Variants in CIAO2A observed in about 807,000 individuals in gnomAD.
CIAO2A encodes MIP18 family protein FAM96A.
Under a neutral mutation model 22.4 loss-of-function variants are expected in CIAO2A, and 17 were observed. The ratio of observed to expected loss-of-function variants is 0.76; its 90% confidence interval spans 0.52 to 1.14. The LOEUF (loss-of-function observed/expected upper bound fraction) is 1.14. Ranked by LOEUF, CIAO2A falls within the 50% of genes most tolerant of loss-of-function variation. The pLI is 0.00. For missense variants in CIAO2A, 192 were observed against 191.4 expected (o/e 1.00, Z -0.02); for synonymous variants, 74 against 72.3 (o/e 1.02, Z -0.12).
At position 64,072,918 on chromosome 15, in the gene CIAO2A, C is replaced by G. The variant is rs1369262569; in HGVS notation, c.*13G>C. ...ATCAAACAATTACAGGCCAGTGGCT[C>G]TTAAAACAGCTATCAGTCAGGTTCA... On this transcript the variant is annotated 3_prime_UTR_variant, in exon 5 of 5. Coordinates refer to ENST00000300030, the MANE Select transcript of CIAO2A (RefSeq NM_032231.7). The G allele has an allele frequency of 6.3e-7, 1 of 1,584,210 alleles. No individual in the cohort carries two copies. The highest frequency in any genetic ancestry group is 8.7e-7 in the Non-Finnish European group (1 of 1,154,630).
Position 64,075,802 on chromosome 15 carries a change from A to G in CIAO2A, c.340-265T>C, listed in dbSNP as rs906662768. Among the ~76,000 whole-genome samples, 7 of 151,896 alleles carry G rather than the reference A, an allele frequency of 4.6e-5. No individual in the cohort carries two copies. The South Asian group carries it at 1.5e-3, about 32-fold the overall frequency. ...ATAGCTGGAATTACAGGCAGACGCC[A>G]CCACACCCAGCTAAGTTTTGTATTA... On this transcript the variant is annotated intron_variant, in intron 3 of 4. Transcript: ENST00000300030.
At chr15:64,079,336 T>C (rs894756911) in intron 3 of CIAO2A, among the ~76,000 whole-genome samples, 1 of 151,530 alleles carries the variant, frequency 6.6e-6, no homozygotes. Context: ...AGCCCAGGAG[T>C]TTGAGACTAG....
Position 64,084,867 on chromosome 15 carries a change from C to G in CIAO2A, c.290-3716G>C, listed in dbSNP as rs2414832. On this transcript the variant is annotated intron_variant, in intron 2 of 4. Transcript: ENST00000300030. The stretch of plus-strand genomic sequence containing the variant: ...CAGCACTTTGGTAGGCCAAAGAGGG[C>G]AGATCACTTGAGGTCACAAGTTCGA... Among the ~76,000 whole-genome samples the G allele has an allele frequency of 8.6e-3, 1,305 of 152,090 alleles. 92 individuals are homozygous for G. The East Asian group carries it at 0.17, about 20-fold the overall frequency.
At chr15:64,081,736 A>C (rs1484840876) in intron 2 of CIAO2A, among the ~76,000 whole-genome samples, 1 of 151,928 alleles carries the variant, frequency 6.6e-6, no homozygotes, top group Non-Finnish European at 1.5e-5. Flanking sequence ...ATGGGGTTTC[A>C]CCATGTTGGC....
chr15:64,093,498 G>A (rs1555488770), intron 1 of CIAO2A, 147 bp downstream of exon 1: 4 of 958,966 alleles, frequency 4.2e-6, no homozygotes, highest in African/African-American at 1.6e-5. Flanking sequence ...GCTACGCCCC[G>A]GACAAGATCT....
chr15:64,075,653 CTTTTT>C (rs147717856), intron 3 of CIAO2A, 116 bp from the exon 4 acceptor site: 10 of 383,388 alleles, frequency 2.6e-5, no homozygotes, highest in South Asian at 1.3e-4. Context: ...AATCCTGTTT[CTTTTT>C]TTTTTTTTTT....
At chr15:64,083,214 T>G (rs1232790343) in intron 2 of CIAO2A, among the ~76,000 whole-genome samples, 1 of 151,478 alleles carries the variant, frequency 6.6e-6, no homozygotes, top group Non-Finnish European at 1.5e-5. Flanking sequence ...AATAATAGTA[T>G]AAAATATTAC....
chr15:64,088,468 G>C (rs1375168531), intron 2 of CIAO2A, among the ~76,000 whole-genome samples: 1 of 152,108 alleles, frequency 6.6e-6, no homozygotes, highest in Admixed American at 6.5e-5. Flanking sequence ...TGAGCTTCAG[G>C]TTCCTCATCT....
intron 4 of CIAO2A, among the ~76,000 whole-genome samples, chr15:64,073,364 T>C (rs901796427): frequency 2.0e-5 from 3 of 152,296 alleles, no homozygotes; most frequent in South Asian, 2.1e-4. Context: ...TTATTTAACA[T>C]GGTAAAAGTC....
At chr15:64,078,634 G>GCAAA in intron 3 of CIAO2A, among the ~76,000 whole-genome samples, 1 of 26,310 alleles carries the variant, frequency 3.8e-5, no homozygotes, top group South Asian at 9.9e-4. Flanking sequence ...AGATTCCATC[G>GCAAA]CAAACAAAAA....
Position 64,093,472 on chromosome 15 carries a change from C to T in CIAO2A, c.124+173G>A, listed in dbSNP as rs75142815. Among the ~76,000 whole-genome samples, 1,005 of 152,038 alleles carry T rather than the reference C, an allele frequency of 6.6e-3. 9 individuals carry two copies. Among genetic ancestry groups the T allele is most frequent in the African/African-American group, 0.023 (965 of 41,420 alleles). On this transcript the variant is annotated intron_variant, in intron 1 of 4. Coordinates refer to ENST00000300030, the MANE Select transcript of CIAO2A (RefSeq NM_032231.7). ...CCACACCCCCCACGTGACTTAGGACCCCGAAGAAAGCGCCTGCTACGCCCC... is the reference window on the plus strand; with the variant it reads ...CCACACCCCCCACGTGACTTAGGACTCCGAAGAAAGCGCCTGCTACGCCCC...
At chr15:64,087,078 ATTTTGCTTTTTTTTTTTTTT>A (rs1160040053) in intron 2 of CIAO2A, among the ~76,000 whole-genome samples, 1 of 94,660 alleles carries the variant, frequency 1.1e-5, no homozygotes, top group Non-Finnish European at 2.3e-5. Flanking sequence ...TGCCTTGCTA[ATTTTGCTTTTTTTTTTTTTT>A]TTTTTTTTGG....
intron 3 of CIAO2A, among the ~76,000 whole-genome samples, chr15:64,079,094 G>C (rs2140107544): frequency 1.3e-5 from 2 of 150,776 alleles, no homozygotes; most frequent in African/African-American, 4.9e-5. Flanking sequence ...AATAGCTTTA[G>C]TTACAGAAAT....
intron 2 of CIAO2A, among the ~76,000 whole-genome samples, chr15:64,082,022 T>C (rs929861287): frequency 5.9e-5 from 9 of 152,190 alleles, no homozygotes; most frequent in African/African-American, 1.9e-4. Context: ...TATCATCCCA[T>C]GCTAAGACAC....
At chr15:64,076,170 T>G (rs2080716044) in intron 3 of CIAO2A, among the ~76,000 whole-genome samples, 1 of 152,160 alleles carries the variant, frequency 6.6e-6, no homozygotes, top group Non-Finnish European at 1.5e-5. Flanking sequence ...CTTAAGAATA[T>G]CTCTTTTCTG....
chr15:64,089,485 C>A (rs1167644389), intron 1 of CIAO2A, among the ~76,000 whole-genome samples: 2 of 147,914 alleles, frequency 1.4e-5, no homozygotes, highest in Non-Finnish European at 3.0e-5. Flanking sequence ...GCACTCTAGG[C>A]TGGGCAACAA....
chr15:64,077,468 G>A (rs1379975944), intron 3 of CIAO2A, among the ~76,000 whole-genome samples: 2 of 152,190 alleles, frequency 1.3e-5, no homozygotes, highest in Non-Finnish European at 2.9e-5. Context: ...CAGCATTTAT[G>A]CAGCTATTCC....
chr15:64,086,509 A>G (rs987272768), intron 2 of CIAO2A, among the ~76,000 whole-genome samples: 1 of 152,132 alleles, frequency 6.6e-6, no homozygotes, highest in Non-Finnish European at 1.5e-5. Context: ...CACCCCCTCC[A>G]CAACACCCAC....
rs748375266 is a variant in CIAO2A at position 64,093,720 on chromosome 15, A to G, written c.49T>C (p.Trp17Arg). ...CCCGGCTCAGAGAGGCCGGAGAGCC[A>G]CAGGACTCTGCTCAGCGTCCAGGAG... ...LLSWTLSRVL[W>R]LSGLSEPGAA... The change falls in exon 1 of 5, where the codon TGG (tryptophan) becomes CGG (arginine). Residue 17 changes from tryptophan to arginine, a missense_variant. Trp to Arg is a moderately radical substitution (Grantham distance 101, BLOSUM62 -3). Transcript: ENST00000300030. The G allele has an allele frequency of 1.9e-6, 3 of 1,613,900 alleles. No homozygotes were observed. The highest frequency in any genetic ancestry group is 2.2e-5 in the South Asian group (2 of 91,070).
Sources: allele counts gnomAD v4.1 joint callset (sites outside exome capture counted in the v4.1 genomes callset), GRCh38; gene constraint gnomAD v4.1.1; transcripts MANE v1.5; gene names NCBI Gene and HGNC (gene_info 2026-07-23, HGNC 2026-07-21).